Variants in CBLB observed in about 807,000 individuals in gnomAD.
The protein encoded by CBLB is E3 ubiquitin-protein ligase CBL-B.
CBLB carries 31 observed loss-of-function variants against 104.9 expected under a neutral mutation model. That is an observed-to-expected ratio of 0.30 (90% CI 0.22 to 0.40). CBLB has a LOEUF of 0.40. Ranked by LOEUF, CBLB falls within the 10% of genes least tolerant of loss-of-function variation. The pLI, the probability that CBLB is intolerant of heterozygous loss-of-function variation, is 1.00. For synonymous variants in CBLB, 440 were observed against 422.6 expected, an observed-to-expected ratio of 1.04 and a Z score of -0.51; for missense variants, 1,062 against 1,214.6, an observed-to-expected ratio of 0.87 and a Z score of 1.87.
intron 6 of CBLB, among the ~76,000 whole-genome samples, chr3:105,744,688 T>G (rs1281798547): frequency 6.6e-6 from 1 of 151,982 alleles, no homozygotes; most frequent in African/African-American, 2.4e-5. Flanking sequence ...TCCCAGCACT[T>G]TGGGAGACCA....
At chr3:105,773,039 C>A (rs941120726) in intron 4 of CBLB, among the ~76,000 whole-genome samples, 1 of 152,100 alleles carries the variant, frequency 6.6e-6, no homozygotes, top group African/African-American at 2.4e-5. Context: ...CTGCCAGATA[C>A]CTGGTCAAAG....
chr3:105,680,741 C>T (rs1224464094), intron 16 of CBLB, among the ~76,000 whole-genome samples: 1 of 152,190 alleles, frequency 6.6e-6, no homozygotes, highest in African/African-American at 2.4e-5. Flanking sequence ...TGTAAATTGA[C>T]TTTCATCATA....
At chr3:105,854,952 A>G (rs941334190) in intron 2 of CBLB, among the ~76,000 whole-genome samples, 1 of 152,036 alleles carries the variant, frequency 6.6e-6, no homozygotes, top group Non-Finnish European at 1.5e-5. Context: ...TATCTTAAAC[A>G]TAATTGGCTA....
At position 105,752,001 on chromosome 3, in the gene CBLB, G is replaced by C. The variant is rs62261488; in HGVS notation, c.567-383C>G. On this transcript the variant is annotated intron_variant, in intron 4 of 18. Coordinates refer to ENST00000394030, the MANE Select transcript of CBLB (RefSeq NM_170662.5). ...TCTCATTTTCTAAAAACAGTCATAA[G>C]ATGATGGGTCCATATAATAATAGAA... Among the ~76,000 whole-genome samples the C allele has an allele frequency of 1.6e-3, 239 of 152,250 alleles. 1 individual carries two copies. Among genetic ancestry groups the C allele is most frequent in the Admixed American group, 4.5e-3 (69 of 15,296 alleles).
intron 5 of CBLB, among the ~76,000 whole-genome samples, chr3:105,749,471 A>T (rs574141238): frequency 5.2e-4 from 79 of 152,336 alleles, no homozygotes; most frequent in African/African-American, 1.5e-3. Context: ...GCTTATAAGA[A>T]AATATGTCCA....
intron 4 of CBLB, among the ~76,000 whole-genome samples, chr3:105,775,310 G>A (rs1577079511): frequency 6.6e-6 from 1 of 151,658 alleles, no homozygotes; most frequent in African/African-American, 2.4e-5. Context: ...ACTCTATGTA[G>A]GTATATTCCA....
chr3:105,734,986 T>A (rs962606633), intron 8 of CBLB, among the ~76,000 whole-genome samples: 1 of 151,998 alleles, frequency 6.6e-6, no homozygotes, highest in African/African-American at 2.4e-5. Flanking sequence ...TACAAATAAA[T>A]TGGTAAATAA....
At chr3:105,822,696 T>C (rs375777497) in intron 3 of CBLB, among the ~76,000 whole-genome samples, 16 of 152,322 alleles carry the variant, frequency 1.1e-4, no homozygotes, top group African/African-American at 3.6e-4. Flanking sequence ...ATCCATTTTG[T>C]TTCACTTTTC....
chr3:105,755,396 CTG>C (rs1162161352), intron 4 of CBLB, among the ~76,000 whole-genome samples: 1 of 151,950 alleles, frequency 6.6e-6, no homozygotes, highest in Non-Finnish European at 1.5e-5. Flanking sequence ...TTGTTTTCTC[CTG>C]TGTAAATGTG....
chr3:105,718,897 C>G (rs548526294), intron 10 of CBLB, among the ~76,000 whole-genome samples: 1 of 152,192 alleles, frequency 6.6e-6, no homozygotes, highest in Non-Finnish European at 1.5e-5. Context: ...AGCCTGATAT[C>G]CAAGAGTCTA....
At chr3:105,773,934 G>C (rs902506385) in intron 4 of CBLB, among the ~76,000 whole-genome samples, 23 of 152,214 alleles carry the variant, frequency 1.5e-4, no homozygotes, top group South Asian at 8.3e-4. Flanking sequence ...CTTGGCTGCT[G>C]GGCTTGGGCC....
intron 4 of CBLB, among the ~76,000 whole-genome samples, chr3:105,754,282 C>T (rs1287181873): frequency 6.6e-6 from 1 of 152,004 alleles, no homozygotes; most frequent in African/African-American, 2.4e-5. Context: ...GACTAAGTGG[C>T]TACCATTCTT....
intron 18 of CBLB, among the ~76,000 whole-genome samples, chr3:105,668,761 C>T (rs150571012): frequency 1.3e-5 from 2 of 152,218 alleles, no homozygotes; most frequent in East Asian, 3.9e-4. Flanking sequence ...TATAAATACA[C>T]AGGGATTTCT....
At chr3:105,681,457 A>C (rs752998480) in intron 16 of CBLB, 22 bp downstream of exon 16, 3 of 1,613,554 alleles carry the variant, frequency 1.9e-6, no homozygotes, top group East Asian at 4.5e-5. Flanking sequence ...GGGTTGTTCA[A>C]AACTTTTTTA....
intron 3 of CBLB, among the ~76,000 whole-genome samples, chr3:105,780,209 A>C (rs937289198): frequency 5.9e-5 from 9 of 152,160 alleles, no homozygotes; most frequent in African/African-American, 2.2e-4. Flanking sequence ...CAATCCAAGA[A>C]TACAGTCATC....
chr3:105,781,587 G>A (rs546879923), intron 3 of CBLB, among the ~76,000 whole-genome samples: 1 of 152,274 alleles, frequency 6.6e-6, no homozygotes, highest in Admixed American at 6.5e-5. Context: ...ATCAAGATTT[G>A]ATTAGTGGCC....
At chr3:105,662,105 GGGA>G in intron 18 of CBLB, among the ~76,000 whole-genome samples, 1 of 152,142 alleles carries the variant, frequency 6.6e-6, no homozygotes. Flanking sequence ...TTAAAAAGTG[GGGA>G]GGAGGAGATC....
intron 9 of CBLB, among the ~76,000 whole-genome samples, chr3:105,727,783 C>CGTTTATTAAATAGGT (rs1165092906): frequency 6.6e-6 from 1 of 152,098 alleles, no homozygotes; most frequent in Non-Finnish European, 1.5e-5. Context: ...TTCCCAACAC[C>CGTTTATTAAATAGGT]GTTTATTAAA....
At chr3:105,693,329 A>G (rs2067953943) in intron 13 of CBLB, among the ~76,000 whole-genome samples, 165 bp downstream of exon 13, 1 of 152,130 alleles carries the variant, frequency 6.6e-6, no homozygotes, top group African/African-American at 2.4e-5. Context: ...AGCAAAGTAT[A>G]GGGAAGGATC....
Sources: gnomAD v4.1 joint callset for allele counts (sites outside exome capture counted in the v4.1 genomes callset) on GRCh38, gnomAD v4.1.1 for gene constraint, MANE v1.5 for transcripts, NCBI Gene and HGNC (gene_info 2026-07-23, HGNC 2026-07-21) for gene names.